SKIL: variants seen among roughly 807,000 people sequenced by gnomAD.
SKIL encodes SKI like proto-oncogene.
In SKIL, 20 loss-of-function variants were observed where a neutral mutation model predicts 69.6. That is an observed-to-expected ratio of 0.29 (90% CI 0.20 to 0.42). The LOEUF is 0.42. Ranked by LOEUF, SKIL falls within the 10% of genes least tolerant of loss-of-function variation. SKIL has a pLI of 1.00. For missense variants in SKIL, 745 were observed against 783.1 expected, an observed-to-expected ratio of 0.95 and a Z score of 0.58; for synonymous variants, 310 against 279.9, an observed-to-expected ratio of 1.11 and a Z score of -1.08.
chr3:170,394,793 A>G lies in SKIL; in HGVS notation c.*2376A>G, dbSNP rs1294392520. On this transcript the variant is annotated 3_prime_UTR_variant, in exon 7 of 7. Coordinates refer to ENST00000259119, the MANE Select transcript of SKIL (RefSeq NM_005414.5). ...AAATATACGTATTATTGTTAAAAGTAACTTTAAACTGCAACACATAGCTTC... is the reference window on the plus strand; with the variant it reads ...AAATATACGTATTATTGTTAAAAGTGACTTTAAACTGCAACACATAGCTTC... The G allele has an allele frequency of 1.3e-5, 2 of 152,224 alleles. No individual in the cohort carries two copies. Among genetic ancestry groups the G allele is most frequent in the Non-Finnish European group, 2.9e-5 (2 of 68,028 alleles). The allele number at this position is 152,224 out of a possible 1,614,324, so 9.4% of individuals were successfully genotyped here. A position where few individuals can be genotyped will look rare whatever the true frequency, so the allele number is the denominator to read the frequency against.
At chr3:170,357,815 G>A (rs1315359747) in intron 1 of SKIL, 52 bp downstream of exon 1, 1 of 157,818 alleles carries the variant, frequency 6.3e-6, no homozygotes, top group East Asian at 1.9e-4. Flanking sequence ...GGAGGCCAGA[G>A]GCGCTCACCC....
intron 4 of SKIL, among the ~76,000 whole-genome samples, chr3:170,385,659 A>G (rs553249677): frequency 6.6e-6 from 1 of 152,356 alleles, no homozygotes; most frequent in Admixed American, 6.5e-5. Flanking sequence ...GTTACCATCC[A>G]TATAGCAGCA....
intron 2 of SKIL, among the ~76,000 whole-genome samples, chr3:170,365,878 C>T (rs1325262699): frequency 6.6e-6 from 1 of 151,276 alleles, no homozygotes; most frequent in African/African-American, 2.4e-5. Context: ...GCCTCAGCCT[C>T]CCAAGTAGCT....
chr3:170,376,394 C>T (rs528941033), intron 2 of SKIL, among the ~76,000 whole-genome samples: 7 of 152,146 alleles, frequency 4.6e-5, no homozygotes, highest in African/African-American at 7.2e-5. Flanking sequence ...AACTTATCCT[C>T]GTTCATTGAC....
At chr3:170,389,398 C>T (rs1197690378) in intron 4 of SKIL, among the ~76,000 whole-genome samples, 7 of 150,836 alleles carry the variant, frequency 4.6e-5, no homozygotes, top group African/African-American at 1.7e-4. Context: ...ACTGCAAGCT[C>T]CGCCTCCCAG....
chr3:170,383,844 G>T (rs1001894175), intron 3 of SKIL, among the ~76,000 whole-genome samples: 1 of 152,038 alleles, frequency 6.6e-6, no homozygotes, highest in Non-Finnish European at 1.5e-5. Context: ...GCTTTGGAAG[G>T]GTGGTGGGCA....
At position 170,396,404 on chromosome 3, in the gene SKIL, T is replaced by C. The variant is rs1738189763; in HGVS notation, c.*3987T>C. ...TGTTAGAAGTATTTGTTTATCCTGATAATTTTAAGCCAACATAGTAGTCTT... is the reference window on the plus strand; with the variant it reads ...TGTTAGAAGTATTTGTTTATCCTGACAATTTTAAGCCAACATAGTAGTCTT... On this transcript the variant is annotated 3_prime_UTR_variant, in exon 7 of 7. Coordinates refer to ENST00000259119, the MANE Select transcript of SKIL (RefSeq NM_005414.5). The C allele has an allele frequency of 6.6e-6, 1 of 152,246 alleles. No individual in the cohort carries two copies. The allele number at this position is 152,246 out of a possible 1,614,324, so 9.4% of individuals were successfully genotyped here. A position where few individuals can be genotyped will look rare whatever the true frequency, so the allele number is the denominator to read the frequency against.
chr3:170,384,803 C>A, intron 4 of SKIL, 38 bp downstream of exon 4: 1 of 1,049,618 alleles, frequency 9.5e-7, no homozygotes, highest in Non-Finnish European at 1.4e-6. Flanking sequence ...AATTAAATAT[C>A]TAATGAACAC....
intron 2 of SKIL, among the ~76,000 whole-genome samples, chr3:170,364,311 C>CTTTTTTTTTT (rs34818157): frequency 1.7e-5 from 1 of 59,974 alleles, no homozygotes; most frequent in African/African-American, 5.7e-5. Context: ...TTGCTCCCGT[C>CTTTTTTTTTT]TTTTTTTTTT....
chr3:170,380,284 C>T (rs937029719), intron 2 of SKIL, among the ~76,000 whole-genome samples: 8 of 152,196 alleles, frequency 5.3e-5, no homozygotes, highest in Middle Eastern at 3.4e-3. Flanking sequence ...ATAGTCTAGC[C>T]GATTGTAGTA....
At chr3:170,382,640 A>G (rs1207157424) in intron 3 of SKIL, among the ~76,000 whole-genome samples, 2 of 149,516 alleles carry the variant, frequency 1.3e-5, no homozygotes, top group Non-Finnish European at 3.0e-5. Context: ...TTTGAACCTC[A>G]GGTGATCTGC....
At chr3:170,389,282 A>G (rs1325939663) in intron 4 of SKIL, among the ~76,000 whole-genome samples, 3 of 151,268 alleles carry the variant, frequency 2.0e-5, no homozygotes, top group African/African-American at 4.9e-5. Context: ...GCATGTGGAT[A>G]TAGTTGTCCG....
intron 2 of SKIL, among the ~76,000 whole-genome samples, chr3:170,374,117 A>T (rs1310013316): frequency 6.6e-6 from 1 of 152,250 alleles, no homozygotes; most frequent in Non-Finnish European, 1.5e-5. Context: ...AGGGTCACGT[A>T]TACAGAATAA....
At chr3:170,378,365 C>A (rs1453083993) in intron 2 of SKIL, among the ~76,000 whole-genome samples, 1 of 152,146 alleles carries the variant, frequency 6.6e-6, no homozygotes, top group Non-Finnish European at 1.5e-5. Flanking sequence ...TTAGTAGGAT[C>A]TCAGTAATCA....
rs558218650 is a variant in SKIL at position 170,361,018 on chromosome 3, A to G, written c.687A>G (p.Leu229=). The G allele has an allele frequency of 1.2e-6, 2 of 1,614,222 alleles. No homozygotes were observed. Among genetic ancestry groups the G allele is most frequent in the African/African-American group, 1.3e-5 (1 of 75,056 alleles). The part of the protein sequence containing the change: ...GLITLTDAQR[L]CNALLRPRTF... ...TTACATTAACTGATGCACAAAGATT[A>G]TGTAATGCTTTATTGCGGCCACGAA... The change falls in exon 2 of 7, where the codon TTA becomes TTG. Residue 229 remains leucine (L), a synonymous_variant. Transcript: ENST00000259119.
At chr3:170,377,997 G>A (rs540055554) in intron 2 of SKIL, among the ~76,000 whole-genome samples, 64 of 152,012 alleles carry the variant, frequency 4.2e-4, no homozygotes, top group Non-Finnish European at 8.2e-4. Flanking sequence ...AGGTTCAAGC[G>A]ATTCTCCTGC....
At chr3:170,385,876 A>G (rs1737599785) in intron 4 of SKIL, among the ~76,000 whole-genome samples, 2 of 148,802 alleles carry the variant, frequency 1.3e-5, no homozygotes, top group South Asian at 2.1e-4. Context: ...ATCTCAGCTC[A>G]CCGCAACCTC....
chr3:170,376,155 C>G (rs1404237440), intron 2 of SKIL, among the ~76,000 whole-genome samples: 3 of 144,756 alleles, frequency 2.1e-5, no homozygotes, highest in Non-Finnish European at 4.5e-5. Context: ...TCAAGTGATT[C>G]TCCTGCCTCA....
intron 2 of SKIL, among the ~76,000 whole-genome samples, chr3:170,380,666 A>G (rs1437742341): frequency 6.6e-6 from 1 of 152,084 alleles, no homozygotes; most frequent in Non-Finnish European, 1.5e-5. Context: ...AAATAAATAA[A>G]TAAAATAGAT....
Sources: gnomAD v4.1 joint callset for allele counts (sites outside exome capture counted in the v4.1 genomes callset) on GRCh38, gnomAD v4.1.1 for gene constraint, MANE v1.5 for transcripts, NCBI Gene and HGNC (gene_info 2026-07-23, HGNC 2026-07-21) for gene names.